The following NEGR1 variants were observed in gnomAD, a reference collection of about 807,000 sequenced individuals.
The protein encoded by NEGR1 is IgLON family member 4.
NEGR1 carries 10 observed loss-of-function variants against 40.9 expected under a neutral mutation model. The ratio of observed to expected loss-of-function variants is 0.24; its 90% CI spans 0.15 to 0.42. The LOEUF (loss-of-function observed/expected upper bound fraction) is 0.42, where lower values mean the gene tolerates loss of function less well. NEGR1 is among the 10% of genes least tolerant of loss of function. NEGR1 has a pLI of 1.00. For missense variants in NEGR1, 352 were observed against 438.9 expected (o/e 0.80, Z 1.77); for synonymous variants, 185 against 166.8 (o/e 1.11, Z -0.84).
intron 6 of NEGR1, among the ~76,000 whole-genome samples, chr1:71,544,304 T>C (rs1647816531): frequency 6.6e-6 from 1 of 151,710 alleles, no homozygotes; most frequent in African/African-American, 2.4e-5. Context: ...ATATTTTTGA[T>C]AGAGGCTGCA....
rs949041633 is a variant in NEGR1, at chr1:71,600,739, C to T, written c.789-7771G>A. On this transcript the variant is annotated intron_variant, in intron 5 of 6. Transcript: ENST00000357731. ...AATGTGAAGAAACCTACATACCACCCTCTGTTGTGAGGACTTTATTCCAGG... is the reference window on the plus strand; with the variant it reads ...AATGTGAAGAAACCTACATACCACCTTCTGTTGTGAGGACTTTATTCCAGG... Among the ~76,000 whole-genome samples the T allele has an allele frequency of 2.0e-5, 3 of 152,222 alleles. No homozygotes were observed. In the South Asian group the frequency reaches 6.2e-4, roughly 31 times the overall value.
chr1:72,110,221 T>TAAAAA (rs57618301), intron 1 of NEGR1, among the ~76,000 whole-genome samples: 1,745 of 104,210 alleles, frequency 0.017, 24 homozygotes, highest in African/African-American at 0.038. Context: ...TAGAGTATAA[T>TAAAAA]AAAAAAAAAA....
At chr1:71,666,514 A>G (rs1340091626) in intron 4 of NEGR1, among the ~76,000 whole-genome samples, 1 of 152,194 alleles carries the variant, frequency 6.6e-6, no homozygotes, top group Non-Finnish European at 1.5e-5. Context: ...CAATTGAGGT[A>G]TAGAATAGGC....
At chr1:72,136,338 G>C (rs554244263) in intron 1 of NEGR1, among the ~76,000 whole-genome samples, 6 of 152,062 alleles carry the variant, frequency 3.9e-5, no homozygotes, top group African/African-American at 1.4e-4. Flanking sequence ...ATTAGCAGTC[G>C]ATTGCAGTTT....
chr1:71,464,813 G>A lies in NEGR1; in HGVS notation c.941-57243C>T, dbSNP rs6666228. On this transcript the variant is annotated intron_variant, in intron 6 of 6. Transcript: ENST00000357731. ...AGCAATTCACACGGTGAACTGCAGC[G>A]TCTTGGTGTTGAAGGAAGTCTACAC... Among the ~76,000 whole-genome samples, 336 of 152,192 alleles carry A rather than the reference G, an allele frequency of 2.2e-3. 1 individual carries two copies. The highest frequency in any genetic ancestry group is 7.7e-3 in the African/African-American group (321 of 41,540).
At chr1:71,883,920 C>T (rs516876) in intron 2 of NEGR1, among the ~76,000 whole-genome samples, 2 of 151,674 alleles carry the variant, frequency 1.3e-5, no homozygotes, top group East Asian at 1.9e-4. Context: ...TTGTTAGAAA[C>T]GAAAATATTT....
At chr1:71,638,662 G>T (rs967249440) in intron 4 of NEGR1, among the ~76,000 whole-genome samples, 2 of 151,896 alleles carry the variant, frequency 1.3e-5, no homozygotes, top group African/African-American at 4.8e-5. Flanking sequence ...TTACAACTAA[G>T]GCAAAGAGAA....
At chr1:71,765,940 C>T (rs1209974241) in intron 3 of NEGR1, among the ~76,000 whole-genome samples, 1 of 152,068 alleles carries the variant, frequency 6.6e-6, no homozygotes, top group Non-Finnish European at 1.5e-5. Flanking sequence ...CTTTGGGAGG[C>T]CGAGGTGGGC....
At chr1:71,455,714 ACT>A (rs1026084845) in intron 6 of NEGR1, among the ~76,000 whole-genome samples, 4 of 152,006 alleles carry the variant, frequency 2.6e-5, no homozygotes, top group African/African-American at 9.6e-5. Flanking sequence ...ATCGAGCAAG[ACT>A]CTGTCTCAAA....
At chr1:72,019,600 G>C (rs1646739926) in intron 1 of NEGR1, among the ~76,000 whole-genome samples, 1 of 152,180 alleles carries the variant, frequency 6.6e-6, no homozygotes, top group Non-Finnish European at 1.5e-5. Context: ...GAAACTTTGA[G>C]ATAGTAAAGG....
intron 1 of NEGR1, among the ~76,000 whole-genome samples, chr1:72,127,535 A>G (rs1352677481): frequency 6.6e-6 from 1 of 151,474 alleles, no homozygotes; most frequent in African/African-American, 2.4e-5. Flanking sequence ...TCACCTCTAT[A>G]AACTTTAAAA....
At chr1:71,641,618 G>C (rs765755903) in intron 4 of NEGR1, among the ~76,000 whole-genome samples, 8 of 151,900 alleles carry the variant, frequency 5.3e-5, no homozygotes, top group Non-Finnish European at 1.0e-4. Flanking sequence ...ATATGGGTTG[G>C]GGGAGGATAT....
At chr1:72,007,576 A>G (rs1646619205) in intron 1 of NEGR1, among the ~76,000 whole-genome samples, 1 of 152,186 alleles carries the variant, frequency 6.6e-6, no homozygotes, top group South Asian at 2.1e-4. Flanking sequence ...GTTAAAAAAC[A>G]CATGTAAGCA....
At chr1:71,652,579 T>C (rs76115765) in intron 4 of NEGR1, among the ~76,000 whole-genome samples, 11,200 of 152,198 alleles carry the variant, frequency 0.074, 516 homozygotes, top group East Asian at 0.12. Context: ...TTGCCCATTA[T>C]AGAAAAAGCT....
At chr1:71,620,611 G>C (rs546398398) in intron 4 of NEGR1, among the ~76,000 whole-genome samples, 1 of 151,764 alleles carries the variant, frequency 6.6e-6, no homozygotes, top group Non-Finnish European at 1.5e-5. Context: ...ATATGTCTTC[G>C]CCTAATGAAT....
chr1:72,115,215 T>A (rs1453408646), intron 1 of NEGR1, among the ~76,000 whole-genome samples: 1 of 142,716 alleles, frequency 7.0e-6, no homozygotes, highest in Non-Finnish European at 1.6e-5. Flanking sequence ...ATATATATTT[T>A]TTCATTTAGC....
At chr1:72,280,457 C>T (rs1295654523) in intron 1 of NEGR1, among the ~76,000 whole-genome samples, 1 of 152,130 alleles carries the variant, frequency 6.6e-6, no homozygotes, top group African/African-American at 2.4e-5. Flanking sequence ...TATGTGTTTG[C>T]AATCTCTGAA....
intron 2 of NEGR1, among the ~76,000 whole-genome samples, chr1:71,899,448 AT>A (rs1256317394): frequency 6.6e-6 from 1 of 152,086 alleles, no homozygotes; most frequent in Non-Finnish European, 1.5e-5. Context: ...AACCAGACAG[AT>A]TTTCTGAGCT....
intron 1 of NEGR1, among the ~76,000 whole-genome samples, chr1:72,038,143 G>T (rs933983899): frequency 6.6e-6 from 1 of 152,064 alleles, no homozygotes; most frequent in Admixed American, 6.6e-5. Flanking sequence ...TAGCCACTAC[G>T]TTATAGTGGC....
Sources: gnomAD v4.1 joint callset for allele counts (sites outside exome capture counted in the v4.1 genomes callset) on GRCh38, gnomAD v4.1.1 for gene constraint, MANE v1.5 for transcripts, NCBI Gene and HGNC (gene_info 2026-07-23, HGNC 2026-07-21) for gene names.